The following MRPS35 variants were observed in gnomAD, a reference collection of about 807,000 sequenced individuals.
MRPS35 encodes the protein mitochondrial ribosomal protein S35.
A neutral mutation model predicts 32.7 loss-of-function variants in MRPS35; 29 were observed. The ratio of observed to expected loss-of-function variants is 0.89; its 90% CI spans 0.66 to 1.21. The LOEUF (loss-of-function observed/expected upper bound fraction) is 1.21, where lower values mean the gene tolerates loss of function less well. Among genes scored for constraint, MRPS35 ranks in the 50% most tolerant of loss-of-function variants. MRPS35 has a pLI of 0.00. For synonymous variants in MRPS35, 148 were observed against 139.3 expected (o/e 1.06, Z -0.44); for missense variants, 373 against 383.8 (o/e 0.97, Z 0.23).
At chr12:27,726,899 T>C (rs1176155163) in intron 5 of MRPS35, among the ~76,000 whole-genome samples, 1 of 152,004 alleles carries the variant, frequency 6.6e-6, no homozygotes, top group Non-Finnish European at 1.5e-5. Context: ...TTCTCAGATA[T>C]ATGATTTGTA....
At chr12:27,713,875 C>T (rs1211706982) in intron 1 of MRPS35, among the ~76,000 whole-genome samples, 2 of 151,994 alleles carry the variant, frequency 1.3e-5, no homozygotes, top group Non-Finnish European at 2.9e-5. Context: ...ATCGCTGGAG[C>T]TCAAGAGCTT....
At chr12:27,729,377 A>T (rs1268696851) in intron 5 of MRPS35, among the ~76,000 whole-genome samples, 2 of 152,152 alleles carry the variant, frequency 1.3e-5, no homozygotes, top group African/African-American at 4.8e-5. Context: ...TCAAGACATA[A>T]TAGATAAATA....
At chr12:27,741,842 T>C (rs543520845) in intron 7 of MRPS35, among the ~76,000 whole-genome samples, 4 of 152,354 alleles carry the variant, frequency 2.6e-5, no homozygotes, top group South Asian at 4.1e-4. Flanking sequence ...GATTTTGATA[T>C]TGAATTACTA....
intron 5 of MRPS35, among the ~76,000 whole-genome samples, chr12:27,730,362 C>T (rs1565467402): frequency 1.3e-5 from 2 of 152,120 alleles, no homozygotes; most frequent in Non-Finnish European, 2.9e-5. Flanking sequence ...TGTCTTTCAA[C>T]TTGTTGTGTG....
intron 7 of MRPS35, among the ~76,000 whole-genome samples, chr12:27,737,911 A>G (rs1314843293): frequency 1.3e-5 from 2 of 152,186 alleles, no homozygotes; most frequent in Non-Finnish European, 2.9e-5. Flanking sequence ...TATGAAGAGA[A>G]TAATAATTAT....
At chr12:27,736,174 ATAAGT>A (rs952056613) in intron 6 of MRPS35, among the ~76,000 whole-genome samples, 5 of 152,162 alleles carry the variant, frequency 3.3e-5, no homozygotes, top group South Asian at 2.1e-4. Flanking sequence ...ACTTTTAGAG[ATAAGT>A]TAAGTGGGCC....
chr12:27,746,771 C>A (rs1204922520), intron 7 of MRPS35, among the ~76,000 whole-genome samples: 1 of 152,136 alleles, frequency 6.6e-6, no homozygotes, highest in Non-Finnish European at 1.5e-5. Context: ...TTGAGAGTTA[C>A]AGTTTTCTTC....
At position 27,724,174 on chromosome 12, in the gene MRPS35, A is replaced by G; in HGVS notation, c.510A>G (p.Val170=). The change falls in exon 5 of 8, where the codon GTA becomes GTG. Residue 170 remains valine, a synonymous_variant. Coordinates refer to ENST00000081029, the MANE Select transcript of MRPS35 (RefSeq NM_021821.4). ...GPSVRNPRAR[V]VVLRVKLSSL... is the part of the protein sequence containing the mutation. ...CTGTTCGGAACCCCAGAGCACGAGT[A>G]GTAGTCTTAAGAGTAAGAGTTTTTT... is the stretch of plus-strand genomic sequence containing the variant. 6.4e-7 allele frequency: 1 copy of G among 1,573,388 alleles called. No individual in the cohort carries two copies. The highest frequency in any genetic ancestry group is 1.4e-5 in the African/African-American group (1 of 72,380).
At chr12:27,723,901 A>T in intron 4 of MRPS35, 146 bp from the exon 5 acceptor site, 2 of 678,788 alleles carry the variant, frequency 2.9e-6, no homozygotes, top group South Asian at 4.5e-5. Context: ...ATAAGGGATG[A>T]TGCTATATAT....
At chr12:27,754,409 G>C (rs1315647788) in intron 7 of MRPS35, among the ~76,000 whole-genome samples, 2 of 151,908 alleles carry the variant, frequency 1.3e-5, no homozygotes, top group Non-Finnish European at 2.9e-5. Flanking sequence ...TCTCCTCTCA[G>C]CTCTCATTAT....
rs991381880 is a variant in MRPS35, at chr12:27,755,771, C to G, written c.*321C>G. On this transcript the variant is annotated 3_prime_UTR_variant, in exon 8 of 8. Coordinates refer to ENST00000081029, the MANE Select transcript of MRPS35 (RefSeq NM_021821.4). ...CCTTTCCCATTTCTTTCCCCACAAG[C>G]TGGCATTTCAGTAGTTGCTTTTGAA... The G allele has an allele frequency of 8.6e-5, 14 of 162,252 alleles. No homozygotes were observed. Among genetic ancestry groups the G allele is most frequent in the Non-Finnish European group, 1.5e-4 (11 of 75,152 alleles). The allele number at this position is 162,252 out of a possible 1,614,324, so 10.1% of individuals were successfully genotyped here.
In MRPS35 at chr12:27,755,500, G is replaced by A; in HGVS notation, c.*50G>A. The A allele has an allele frequency of 7.1e-7, 1 of 1,415,650 alleles. No homozygotes were observed. The allele number at this position is 1,415,650 out of a possible 1,614,324, so 87.7% of individuals were successfully genotyped here. ...GATTTATTAATTTTATGATATATGT[G>A]ATCAGTATCTAATTTGATATAAAAT... On this transcript the variant is annotated 3_prime_UTR_variant, in exon 8 of 8. Transcript: ENST00000081029.
chr12:27,714,318 T>G (rs552965207), intron 1 of MRPS35, among the ~76,000 whole-genome samples: 2 of 152,192 alleles, frequency 1.3e-5, no homozygotes, highest in East Asian at 3.9e-4. Context: ...CTAGGCACAG[T>G]GGCTCACACC....
intron 7 of MRPS35, among the ~76,000 whole-genome samples, chr12:27,750,246 A>T (rs1043695354): frequency 1.3e-5 from 2 of 152,192 alleles, no homozygotes; most frequent in African/African-American, 2.4e-5. Flanking sequence ...CACTTTCTAA[A>T]ATACAAAAAT....
intron 1 of MRPS35, among the ~76,000 whole-genome samples, chr12:27,713,596 C>T (rs1336447216): frequency 6.6e-6 from 1 of 152,052 alleles, no homozygotes; most frequent in Non-Finnish European, 1.5e-5. Flanking sequence ...AGAATATATT[C>T]TTCTTTCATC....
intron 7 of MRPS35, among the ~76,000 whole-genome samples, chr12:27,750,811 G>GA (rs1329908615): frequency 1.3e-5 from 2 of 151,890 alleles, no homozygotes; most frequent in East Asian, 3.9e-4. Context: ...TTTCAAAAAA[G>GA]AAAAAAGAAG....
Position 27,724,133 on chromosome 12 carries a change from G to A in MRPS35, c.469G>A (p.Val157Ile). 1 of 1,612,436 alleles carries A rather than the reference G, an allele frequency of 6.2e-7. No homozygotes were observed. The highest frequency in any genetic ancestry group is 8.5e-7 in the Non-Finnish European group (1 of 1,179,396). ...AATTGAAATTGACAGCACTGATTAT[G>A]TTTCATCAGGACCATCTGTTCGGAA... ...FPIEIDSTDY[V>I]SSGPSVRNPR... Residue 157 changes from valine to isoleucine, a missense_variant, in exon 5 of 8, where the codon GTT becomes ATT. Physicochemically the swap from Val to Ile is conservative, Grantham distance 29. Transcript: ENST00000081029.
At chr12:27,740,223 G>T (rs924946487) in intron 7 of MRPS35, among the ~76,000 whole-genome samples, 1 of 150,290 alleles carries the variant, frequency 6.7e-6, no homozygotes, top group African/African-American at 2.4e-5. Context: ...TTTTTTATAG[G>T]CTAGCTTCTG....
intron 2 of MRPS35, among the ~76,000 whole-genome samples, chr12:27,715,338 T>C (rs2061845198): frequency 3.3e-5 from 5 of 152,144 alleles, no homozygotes; most frequent in Non-Finnish European, 7.4e-5. Flanking sequence ...GTTTTCACCA[T>C]GTTGGTCAGG....
Sources: allele counts gnomAD v4.1 joint callset (sites outside exome capture counted in the v4.1 genomes callset), GRCh38; gene constraint gnomAD v4.1.1; transcripts MANE v1.5; gene names NCBI Gene and HGNC (gene_info 2026-07-23, HGNC 2026-07-21).